The following RBFOX1 variants were observed in gnomAD, a reference collection of about 807,000 sequenced individuals.
RBFOX1 encodes the protein RNA binding protein fox-1 homolog 1.
Under a neutral mutation model 57.7 loss-of-function variants are expected in RBFOX1, and 8 were observed. That is an observed-to-expected ratio of 0.14 (90% CI 0.08 to 0.25). The LOEUF is 0.25. RBFOX1 is among the 10% of genes least tolerant of loss of function. The pLI is 1.00. For synonymous variants in RBFOX1, 326 were observed against 222.4 expected, an observed-to-expected ratio of 1.47 and a Z score of -4.15; for missense variants, 611 against 548.5, an observed-to-expected ratio of 1.11 and a Z score of -1.14.
At chr16:6,284,374 C>T (rs775613543) in intron 1 of RBFOX1, among the ~76,000 whole-genome samples, 1 of 152,000 alleles carries the variant, frequency 6.6e-6, no homozygotes, top group Non-Finnish European at 1.5e-5. Flanking sequence ...GGTAAGCTGC[C>T]GATATTTGAA....
chr16:6,517,083 C>T (rs998688437), intron 2 of RBFOX1, among the ~76,000 whole-genome samples: 2 of 152,104 alleles, frequency 1.3e-5, no homozygotes, highest in Non-Finnish European at 2.9e-5. Context: ...AAGGCATGTC[C>T]AAGGTTGTGA....
At chr16:5,331,098 G>A (rs2064742466) in intron 1 of RBFOX1, among the ~76,000 whole-genome samples, 1 of 152,148 alleles carries the variant, frequency 6.6e-6, no homozygotes, top group Admixed American at 6.5e-5. Context: ...GGGAGAGAGG[G>A]AGGTAAACCC....
intron 3 of RBFOX1, among the ~76,000 whole-genome samples, chr16:5,770,316 C>G (rs1313957696): frequency 2.6e-5 from 4 of 152,202 alleles, no homozygotes; most frequent in Admixed American, 1.3e-4. Context: ...GCTGCCCTCA[C>G]TGCTCTTTGT....
At position 7,533,705 on chromosome 16, in the gene RBFOX1, G is replaced by C. The variant is rs13336381; in HGVS notation, c.270+15316G>C. Among the ~76,000 whole-genome samples the C allele has an allele frequency of 2.6e-5, 4 of 152,154 alleles. No individual in the cohort carries two copies. The East Asian group carries it at 7.7e-4, about 29-fold the overall frequency. On this transcript the variant is annotated intron_variant, in intron 5 of 15. Coordinates refer to ENST00000550418, the MANE Select transcript of RBFOX1 (RefSeq NM_018723.4). ...AAAGGAAAAACAGAATGGTTGTATG[G>C]GCACTCAAAGCATGATTTCTACTGA... is the stretch of plus-strand genomic sequence containing the variant.
chr16:5,651,594 G>A (rs556680019), intron 3 of RBFOX1, among the ~76,000 whole-genome samples: 6 of 152,274 alleles, frequency 3.9e-5, no homozygotes, highest in African/African-American at 1.4e-4. Context: ...GTCCTGTCCT[G>A]TGTGTGACCT....
At position 7,081,093 on chromosome 16, in the gene RBFOX1, G is replaced by A. The variant is rs146321565; in HGVS notation, c.27+28995G>A. On this transcript the variant is annotated intron_variant, in intron 4 of 15. Transcript: ENST00000550418. ...TCTGTCACCAAGGCTGGAGTGCAGT[G>A]GCACGATGTTGGCTCACTGCAACCT... Among the ~76,000 whole-genome samples, 977 of 152,252 alleles carry A rather than the reference G, an allele frequency of 6.4e-3. 6 individuals are homozygous for A. Among genetic ancestry groups the A allele is most frequent in the Non-Finnish European group, 9.2e-3 (629 of 68,032 alleles).
At chr16:7,562,487 C>A (rs1478136902) in intron 5 of RBFOX1, among the ~76,000 whole-genome samples, 2 of 152,018 alleles carry the variant, frequency 1.3e-5, no homozygotes, top group Non-Finnish European at 2.9e-5. Flanking sequence ...GACACGAGAC[C>A]CTGGGCAACT....
intron 1 of RBFOX1, among the ~76,000 whole-genome samples, chr16:6,033,528 T>G (rs1305905041): frequency 6.6e-6 from 1 of 152,238 alleles, no homozygotes; most frequent in African/African-American, 2.4e-5. Flanking sequence ...AAATGCATAG[T>G]TCCACTGTTT....
At chr16:5,920,468 G>A (rs2058797400) in intron 4 of RBFOX1, among the ~76,000 whole-genome samples, 1 of 152,138 alleles carries the variant, frequency 6.6e-6, no homozygotes, top group South Asian at 2.1e-4. Context: ...TGTATACCTA[G>A]GAGTGGAATT....
intron 2 of RBFOX1, among the ~76,000 whole-genome samples, chr16:6,350,248 C>T (rs554041526): frequency 2.6e-5 from 4 of 151,820 alleles, no homozygotes; most frequent in African/African-American, 9.7e-5. Context: ...ACCAGCCTGA[C>T]CAGCATGGAG....
intron 4 of RBFOX1, among the ~76,000 whole-genome samples, chr16:5,974,771 G>A (rs989861484): frequency 6.6e-6 from 1 of 152,152 alleles, no homozygotes; most frequent in African/African-American, 2.4e-5. Flanking sequence ...CACTTTGGGA[G>A]GCAGAGGTGG....
chr16:5,956,680 T>A (rs3041606), intron 4 of RBFOX1, among the ~76,000 whole-genome samples: 34 of 103,194 alleles, frequency 3.3e-4, no homozygotes, highest in South Asian at 5.6e-4. Flanking sequence ...ATATATATAT[T>A]TTTTTTGAGG....
intron 3 of RBFOX1, among the ~76,000 whole-genome samples, chr16:5,664,415 G>A (rs1014987008): frequency 6.6e-6 from 1 of 152,164 alleles, no homozygotes; most frequent in Non-Finnish European, 1.5e-5. Flanking sequence ...GGGCACGGTG[G>A]TGTGTGCCTG....
At chr16:6,471,289 A>C (rs2095169069) in intron 2 of RBFOX1, among the ~76,000 whole-genome samples, 1 of 152,210 alleles carries the variant, frequency 6.6e-6, no homozygotes, top group Non-Finnish European at 1.5e-5. Flanking sequence ...AATTCTCTGA[A>C]AGATGCCCTT....
intron 5 of RBFOX1, among the ~76,000 whole-genome samples, chr16:7,534,047 C>T (rs902709885): frequency 6.6e-6 from 1 of 151,666 alleles, no homozygotes; most frequent in Non-Finnish European, 1.5e-5. Flanking sequence ...GAACTCAGAT[C>T]CAGCCCTGAT....
chr16:7,613,367 A>G (rs2057890174), intron 10 of RBFOX1, among the ~76,000 whole-genome samples: 1 of 152,210 alleles, frequency 6.6e-6, no homozygotes, highest in Non-Finnish European at 1.5e-5. Flanking sequence ...AGGGGCGATC[A>G]GATAATATGA....
At chr16:7,436,958 G>C (rs915634930) in intron 4 of RBFOX1, among the ~76,000 whole-genome samples, 4 of 152,184 alleles carry the variant, frequency 2.6e-5, no homozygotes, top group Admixed American at 6.5e-5. Context: ...ATACGCGCCT[G>C]TAATCCGAGC....
At chr16:6,801,633 A>T (rs2085481252) in intron 3 of RBFOX1, among the ~76,000 whole-genome samples, 2 of 151,966 alleles carry the variant, frequency 1.3e-5, no homozygotes, top group African/African-American at 2.4e-5. Flanking sequence ...GAGACAGCTA[A>T]TTGGGCAGGA....
chr16:6,973,084 T>A (rs766445956), intron 3 of RBFOX1, among the ~76,000 whole-genome samples: 12 of 152,104 alleles, frequency 7.9e-5, no homozygotes, highest in Non-Finnish European at 1.5e-4. Context: ...TGAGCTGAGA[T>A]TGCACTACTG....
Sources: allele counts gnomAD v4.1 joint callset (sites outside exome capture counted in the v4.1 genomes callset), GRCh38; gene constraint gnomAD v4.1.1; transcripts MANE v1.5; gene names NCBI Gene and HGNC (gene_info 2026-07-23, HGNC 2026-07-21).